Variants in GCN1 observed in about 807,000 individuals in gnomAD.
GCN1 encodes the protein GCN1 activator of EIF2AK4.
In GCN1, 90 loss-of-function variants were observed where a neutral mutation model predicts 288.4. The ratio of observed to expected loss-of-function variants is 0.31; its 90% confidence interval spans 0.26 to 0.37. GCN1 has a LOEUF of 0.37. GCN1 is among the 10% of genes least tolerant of loss of function. The probability of loss-of-function intolerance (pLI) is 1.00; values close to 1 mark genes in which losing one functional copy is unlikely to be tolerated. For missense variants in GCN1, 2,586 were observed against 3,419.9 expected (o/e 0.76, Z 6.08); for synonymous variants, 1,386 against 1,420.2 (o/e 0.98, Z 0.54).
chr12:120,128,770 C>G (rs144444142), intron 57 of GCN1, among the ~76,000 whole-genome samples: 35 of 151,536 alleles, frequency 2.3e-4, no homozygotes, highest in Admixed American at 7.2e-4. Flanking sequence ...AGAAAGGGCC[C>G]TGCTCGGAAA....
In GCN1 at chr12:120,134,312, C is replaced by T; in HGVS notation, c.7296G>A (p.Leu2432=). ...GTACCTCATCGTGTCCCAGCATGCT[C>T]AGCAGGAGTGAGACGATGTTTTTCC... The part of the protein sequence containing the change: ...VIRKNIVSLL[L]SMLGHDEDNT... The change falls in exon 53 of 58, where the codon CTG becomes CTA. Residue 2432 remains leucine, a synonymous_variant. Coordinates refer to ENST00000300648, the MANE Select transcript of GCN1 (RefSeq NM_006836.2). This position sits in a 1 kb window ranked among gnomAD's most constrained non-coding sequence, Gnocchi z 5.0. The T allele has an allele frequency of 6.2e-7, 1 of 1,613,702 alleles. No homozygotes were observed. The highest frequency in any genetic ancestry group is 2.2e-5 in the East Asian group (1 of 44,886).
rs1365040652 is a variant in GCN1, at chr12:120,138,389, G to A, written c.6183C>T (p.Ala2061=). 1 of 1,609,770 alleles carries A rather than the reference G, an allele frequency of 6.2e-7. No individual in the cohort carries two copies. Among genetic ancestry groups the A allele is most frequent in the Admixed American group, 1.7e-5 (1 of 60,034 alleles). Reference sequence around the variant, plus strand: ...CCATGACTTGCTTCAGACCATCCAAGGCAAACTCTGACACCTCCTCGTCAT... The same window carrying A: ...CCATGACTTGCTTCAGACCATCCAAAGCAAACTCTGACACCTCCTCGTCAT... ...QLDDEEVSEF[A]LDGLKQVMAI... The change falls in exon 47 of 58, where the codon GCC becomes GCT. Residue 2061 remains alanine, a synonymous_variant. Transcript: ENST00000300648.
At chr12:120,188,265 C>G (rs1004575585) in intron 2 of GCN1, among the ~76,000 whole-genome samples, 6 of 152,018 alleles carry the variant, frequency 3.9e-5, no homozygotes, top group Non-Finnish European at 2.9e-5. Context: ...GAAACCCCAT[C>G]TCTACTAAAA....
intron 18 of GCN1, among the ~76,000 whole-genome samples, chr12:120,163,806 A>T (rs1182044488): frequency 1.3e-5 from 2 of 152,250 alleles, no homozygotes; most frequent in African/African-American, 2.4e-5. Context: ...TGCTTTAAAA[A>T]CATAAAGTGT....
intron 20 of GCN1, among the ~76,000 whole-genome samples, chr12:120,162,486 G>C (rs528128575): frequency 6.6e-6 from 1 of 152,346 alleles, no homozygotes; most frequent in South Asian, 2.1e-4. Flanking sequence ...GACAAAGCCT[G>C]GAACTCTAGC....
Position 120,155,542 on chromosome 12 carries a change from T to C in GCN1, c.3440+50A>G. ...GAGCACACTGGGTTCAGTTATTTCC[T>C]AAAGGAAGAGAGGATGCAGCAGGAG... is the stretch of plus-strand genomic sequence containing the variant. On this transcript the variant is annotated intron_variant, in intron 29 of 57. Coordinates refer to ENST00000300648, the MANE Select transcript of GCN1 (RefSeq NM_006836.2). The surrounding 1 kb of genome is among the most constrained non-coding windows in gnomAD (Gnocchi z 4.9). 3.7e-6 allele frequency: 6 copies of C among 1,612,222 alleles called. No homozygotes were observed. Among genetic ancestry groups the C allele is most frequent in the Non-Finnish European group, 4.2e-6 (5 of 1,178,500 alleles).
Position 120,144,421 on chromosome 12 carries a change from GCA to G in GCN1, c.5378_5379del (p.Val1793AlafsTer2). 6.2e-7 allele frequency: 1 copy of G among 1,614,094 alleles called. No homozygotes were observed. The highest frequency in any genetic ancestry group is 8.5e-7 in the Non-Finnish European group (1 of 1,179,968). On this transcript the variant is annotated frameshift_variant, in exon 42 of 58. Transcript: ENST00000300648. LOFTEE classifies it high-confidence loss of function. This position sits in a 1 kb window ranked among gnomAD's most constrained non-coding sequence, Gnocchi z 4.7. ...LKALADENEF[V>X]RDTALRAGQR... ...TGGCCCGCGCGCAGGGCGGTGTCAC[GCA>G]CAAACTCATTCTCATCAGCAAGAGC...
chr12:120,140,752 G>A lies in GCN1; in HGVS notation c.5994+107C>T, dbSNP rs1477005456. 4 of 1,056,342 alleles carry A rather than the reference G, an allele frequency of 3.8e-6. No homozygotes were observed. In the East Asian group the frequency reaches 9.8e-5, roughly 26 times the overall value. 65.4% of individuals were successfully genotyped at this position (1,056,342 alleles called of 1,614,324 possible). A position where few individuals can be genotyped will look rare whatever the true frequency, so the allele number is the denominator to read the frequency against. ...AGAGTGAGACTGGCTCATCCCTGAG[G>A]GCAGCACAAACCCCCTAGAGGTGAA... On this transcript the variant is annotated intron_variant, in intron 45 of 57. Transcript: ENST00000300648.
At chr12:120,188,160 A>G (rs776138177) in intron 2 of GCN1, among the ~76,000 whole-genome samples, 12 of 152,204 alleles carry the variant, frequency 7.9e-5, no homozygotes, top group South Asian at 2.1e-4. Context: ...TAGGCTGGGC[A>G]TGGTGGCTGA....
chr12:120,153,175 C>G lies in GCN1; in HGVS notation c.4062+38G>C, dbSNP rs112252297. 1 of 1,587,524 alleles carries G rather than the reference C, an allele frequency of 6.3e-7. No homozygotes were observed. Among genetic ancestry groups the G allele is most frequent in the Admixed American group, 1.7e-5 (1 of 59,764 alleles). On this transcript the variant is annotated intron_variant, in intron 33 of 57. Transcript: ENST00000300648. This position sits in a 1 kb window ranked among gnomAD's most constrained non-coding sequence, Gnocchi z 4.4. The stretch of plus-strand genomic sequence containing the variant: ...CTAACCACAGCCGGGTCCCAATTCT[C>G]TAACCGACATGTGGGTCCCAGGCCA...
In GCN1 at chr12:120,176,323, C is replaced by A. The variant is rs2139132171; in HGVS notation, c.839-106G>T. The A allele has an allele frequency of 5.4e-6, 4 of 737,600 alleles. No homozygotes were observed. The South Asian group carries it at 6.1e-5, about 11-fold the overall frequency. 45.7% of individuals were successfully genotyped at this position (737,600 alleles called of 1,614,324 possible). A position where few individuals can be genotyped will look rare whatever the true frequency, so the allele number is the denominator to read the frequency against. On this transcript the variant is annotated intron_variant, in intron 9 of 57. Coordinates refer to ENST00000300648, the MANE Select transcript of GCN1 (RefSeq NM_006836.2). ...AATGCCACTAGGCCTGCTGTCTGGC[C>A]CTTCATCTCTACAGGCTACATGAGT... is the stretch of plus-strand genomic sequence containing the variant.
At position 120,160,163 on chromosome 12, in the gene GCN1, C is replaced by G; in HGVS notation, c.2529G>C (p.Gln843His). The change falls in exon 23 of 58, where the codon CAG becomes CAC. Residue 843 changes from glutamine to histidine, a missense_variant. Around this residue, in one of 8 missense-constraint regions of GCN1, gnomAD observed 913 missense variants for 1,107.0 expected, o/e 0.82. Transcript: ENST00000300648. The stretch of plus-strand genomic sequence containing the variant: ...TCACCTCCTGCAGCCGCCTCCGGAC[C>G]TGCGCCTCCCTGTCTAGCTGGGCCT... ...MLQAQLDREA[Q>H]VRRRLQELDG... is the part of the protein sequence containing the mutation. 30 of 1,612,306 alleles carry G rather than the reference C, an allele frequency of 1.9e-5. 1 individual carries two copies. The highest frequency in any genetic ancestry group is 2.3e-5 in the Non-Finnish European group (27 of 1,179,756).
chr12:120,191,878 G>A (rs981256252), intron 1 of GCN1, among the ~76,000 whole-genome samples: 4 of 152,110 alleles, frequency 2.6e-5, no homozygotes, highest in Admixed American at 1.3e-4. Flanking sequence ...GAGGTAACTT[G>A]CATGTGCTTC....
rs747264520 is a variant in GCN1, at chr12:120,134,769, C to G, written c.7009-43G>C. On this transcript the variant is annotated intron_variant, in intron 51 of 57. Coordinates refer to ENST00000300648, the MANE Select transcript of GCN1 (RefSeq NM_006836.2). This position sits in a 1 kb window ranked among gnomAD's most constrained non-coding sequence, Gnocchi z 5.0. ...ATCCATGAAAGACAGTTGTGGTAGACCCAAAGCCACAGTGTACCACAGGCA... is the reference window on the plus strand; with the variant it reads ...ATCCATGAAAGACAGTTGTGGTAGAGCCAAAGCCACAGTGTACCACAGGCA... 7.2e-6 allele frequency: 11 copies of G among 1,538,376 alleles called. No individual in the cohort carries two copies. Among genetic ancestry groups the G allele is most frequent in the Non-Finnish European group, 9.9e-6 (11 of 1,113,954 alleles).
chr12:120,158,127 G>A lies in GCN1; in HGVS notation c.2906-97C>T, dbSNP rs149002268. The A allele has an allele frequency of 1.3e-4, 164 of 1,223,056 alleles. No homozygotes were observed. Among genetic ancestry groups the A allele is most frequent in the Non-Finnish European group, 1.7e-4 (149 of 861,594 alleles). The allele number at this position is 1,223,056 out of a possible 1,614,324, so 75.8% of individuals were successfully genotyped here. On this transcript the variant is annotated intron_variant, in intron 25 of 57. Coordinates refer to ENST00000300648, the MANE Select transcript of GCN1 (RefSeq NM_006836.2). The surrounding 1 kb of genome is among the most constrained non-coding windows in gnomAD (Gnocchi z 4.3). ...CCTCAGGGAAAGTAGGGAACGGATG[G>A]ACCAGAGGCCCGTTCTGACACCTGG...
intron 53 of GCN1, among the ~76,000 whole-genome samples, chr12:120,132,440 G>C (rs1876860646): frequency 6.6e-6 from 1 of 152,292 alleles, no homozygotes. Context: ...CAGCCACCAG[G>C]GAAGCCGGCT....
Position 120,148,180 on chromosome 12 carries a change from G to C in GCN1, c.4713C>G (p.Asn1571Lys). 6.2e-7 allele frequency: 1 copy of C among 1,612,824 alleles called. No homozygotes were observed. The highest frequency in any genetic ancestry group is 8.5e-7 in the Non-Finnish European group (1 of 1,179,296). Residue 1571 changes from asparagine to lysine, a missense_variant, in exon 37 of 58, where the codon AAC becomes AAG. Coordinates refer to ENST00000300648, the MANE Select transcript of GCN1 (RefSeq NM_006836.2). ...GGAAAGGCCTACCCAGGATCTCCGG[G>C]TTCCTGATAACGGAGCCGATCTGCC... is the stretch of plus-strand genomic sequence containing the variant. ...ALRQIGSVIR[N>K]PEILAIAPVL... is the part of the protein sequence containing the mutation.
chr12:120,174,281 G>A lies in GCN1; in HGVS notation c.1094-112C>T, dbSNP rs906077453. On this transcript the variant is annotated intron_variant, in intron 12 of 57. Transcript: ENST00000300648. ...GTCACAGACCTCTTCTGTGTCTCCA[G>A]CAGGCATACCTCTCCTTTGGCCATT... 16 of 678,728 alleles carry A rather than the reference G, an allele frequency of 2.4e-5. 1 individual carries two copies. In the Admixed American group the frequency reaches 3.3e-4, roughly 14 times the overall value. The allele number at this position is 678,728 out of a possible 1,614,324, so 42.0% of individuals were successfully genotyped here.
At chr12:120,149,105 G>GA (rs10688981) in intron 36 of GCN1, among the ~76,000 whole-genome samples, 1 of 151,694 alleles carries the variant, frequency 6.6e-6, no homozygotes, top group Non-Finnish European at 1.5e-5. Flanking sequence ...CCTGGGGGGG[G>GA]AAAACTTTAA....
Sources: gnomAD v4.1 joint callset for allele counts (sites outside exome capture counted in the v4.1 genomes callset) on GRCh38, gnomAD v4.1.1 for gene constraint, gnomAD v4.1.1 regional missense constraint, Gnocchi (gnomAD v3.1) non-coding constraint, MANE v1.5 for transcripts, NCBI Gene and HGNC (gene_info 2026-07-23, HGNC 2026-07-21) for gene names.